TRMT61A: variants seen among roughly 807,000 people sequenced by gnomAD.
TRMT61A encodes tRNA methyltransferase 61A.
Under a neutral mutation model 21.3 loss-of-function variants are expected in TRMT61A, and 15 were observed. The observed-to-expected ratio is 0.70, with a 90% CI of 0.47 to 1.08. TRMT61A has a LOEUF of 1.08. Ranked by LOEUF, TRMT61A falls within the 50% of genes least tolerant of loss-of-function variation. The pLI is 0.00. For missense variants in TRMT61A, 352 were observed against 426.7 expected (o/e 0.83, Z 1.54); for synonymous variants, 183 against 185.5 (o/e 0.99, Z 0.11).
intron 2 of TRMT61A, 35 bp from the exon 3 acceptor site, chr14:103,532,547 A>T (rs766044372): frequency 6.2e-7 from 1 of 1,612,524 alleles, no homozygotes; most frequent in Non-Finnish European, 8.5e-7. Flanking sequence ...AGCAGTCCCA[A>T]CTGATGCCTT....
In TRMT61A at chr14:103,535,222, C is replaced by T. The variant is rs995739983; in HGVS notation, c.*401C>T. On this transcript the variant is annotated 3_prime_UTR_variant, in exon 4 of 4. Coordinates refer to ENST00000389749, the MANE Select transcript of TRMT61A (RefSeq NM_152307.3). ...ACCACGCTGCGTCTGACCCCTGGGC[C>T]CCCACGGCCCTGGCTGCCCCACGGG... The T allele has an allele frequency of 2.1e-6, 1 of 472,196 alleles. No individual in the cohort carries two copies. Among genetic ancestry groups the T allele is most frequent in the South Asian group, 1.6e-5 (1 of 63,806 alleles). 29.3% of individuals were successfully genotyped at this position (472,196 alleles called of 1,614,324 possible).
At position 103,535,254 on chromosome 14, in the gene TRMT61A, G is replaced by C; in HGVS notation, c.*433G>C. The stretch of plus-strand genomic sequence containing the variant: ...GCCCTGGCTGCCCCACGGGGCCTGA[G>C]ACCATCTCGTGCTTCTCCAGTCCCC... On this transcript the variant is annotated 3_prime_UTR_variant, in exon 4 of 4. Coordinates refer to ENST00000389749, the MANE Select transcript of TRMT61A (RefSeq NM_152307.3). 2.2e-6 allele frequency: 1 copy of C among 455,928 alleles called. No homozygotes were observed. The highest frequency in any genetic ancestry group is 4.4e-6 in the Non-Finnish European group (1 of 227,818). The allele number at this position is 455,928 out of a possible 1,614,324, so 28.2% of individuals were successfully genotyped here.
At position 103,535,211 on chromosome 14, in the gene TRMT61A, G is replaced by A. The variant is rs771567594; in HGVS notation, c.*390G>A. Reference sequence around the variant, plus strand: ...TTGACCCTGAGACCACGCTGCGTCTGACCCCTGGGCCCCCACGGCCCTGGC... The same window carrying A: ...TTGACCCTGAGACCACGCTGCGTCTAACCCCTGGGCCCCCACGGCCCTGGC... On this transcript the variant is annotated 3_prime_UTR_variant, in exon 4 of 4. Coordinates refer to ENST00000389749, the MANE Select transcript of TRMT61A (RefSeq NM_152307.3). 10 of 483,998 alleles carry A rather than the reference G, an allele frequency of 2.1e-5. No homozygotes were observed. Among genetic ancestry groups the A allele is most frequent in the South Asian group, 1.2e-4 (8 of 64,208 alleles). The allele number at this position is 483,998 out of a possible 1,614,324, so 30.0% of individuals were successfully genotyped here. A position where few individuals can be genotyped will look rare whatever the true frequency, so the allele number is the denominator to read the frequency against.
At chr14:103,530,389 A>T in intron 2 of TRMT61A, 80 bp downstream of exon 2, 2 of 1,277,076 alleles carry the variant, frequency 1.6e-6, no homozygotes, top group Non-Finnish European at 2.2e-6. Context: ...TGCCCTTCCT[A>T]CAGACACATG....
chr14:103,532,435 C>T (rs1249959851), intron 2 of TRMT61A, 147 bp from the exon 3 acceptor site: 21 of 980,400 alleles, frequency 2.1e-5, no homozygotes, highest in South Asian at 1.2e-4. Context: ...CAGGACCATA[C>T]AGCCCTGGAA....
chr14:103,529,503 G>A (rs2075946197), intron 1 of TRMT61A, among the ~76,000 whole-genome samples: 1 of 152,264 alleles, frequency 6.6e-6, no homozygotes, highest in Non-Finnish European at 1.5e-5. Flanking sequence ...CCGTGGGGGA[G>A]ACTGGGGTGA....
chr14:103,532,877 G>A (rs781698906), intron 3 of TRMT61A, 29 bp downstream of exon 3: 3 of 1,522,752 alleles, frequency 2.0e-6, no homozygotes, highest in Admixed American at 2.0e-5. Context: ...GAGAGGTACA[G>A]CCTGGGTGGG....
Position 103,536,798 on chromosome 14 carries a change from T to C in TRMT61A, c.*1977T>C, listed in dbSNP as rs1202390292. 6.6e-6 allele frequency: 1 copy of C among 152,238 alleles called. No individual in the cohort carries two copies. Among genetic ancestry groups the C allele is most frequent in the Non-Finnish European group, 1.5e-5 (1 of 68,064 alleles). The allele number at this position is 152,238 out of a possible 1,614,324, so 9.4% of individuals were successfully genotyped here. A position where few individuals can be genotyped will look rare whatever the true frequency, so the allele number is the denominator to read the frequency against. The stretch of plus-strand genomic sequence containing the variant: ...TGCCCATTTTCCAGCCGGGGCTGGT[T>C]GCCCTGGTGGCAGCCCTGGGTGAGT... On this transcript the variant is annotated 3_prime_UTR_variant, in exon 4 of 4. Coordinates refer to ENST00000389749, the MANE Select transcript of TRMT61A (RefSeq NM_152307.3).
At position 103,532,815 on chromosome 14, in the gene TRMT61A, G is replaced by A. The variant is rs376392701; in HGVS notation, c.565G>A (p.Val189Met). The A allele has an allele frequency of 1.4e-5, 22 of 1,564,332 alleles. No individual in the cohort carries two copies. The highest frequency in any genetic ancestry group is 1.9e-4 in the Middle Eastern group (1 of 5,276). ...FLDIPSPWEA[V>M]GHAWDALKVE... ...GGACATCCCATCACCCTGGGAGGCC[G>A]TGGGCCACGCCTGGGACGCCCTCAA... Residue 189 changes from valine (V) to methionine (M), a missense_variant, in exon 3 of 4, where the codon GTG becomes ATG. Coordinates refer to ENST00000389749, the MANE Select transcript of TRMT61A (RefSeq NM_152307.3).
At chr14:103,534,463 C>T in intron 3 of TRMT61A, 87 bp from the exon 4 acceptor site, 1 of 1,454,240 alleles carries the variant, frequency 6.9e-7, no homozygotes, top group Non-Finnish European at 9.1e-7. Flanking sequence ...GCCTCAGACC[C>T]TAGGGTGGGA....
Position 103,535,426 on chromosome 14 carries a change from G to C in TRMT61A, c.*605G>C. On this transcript the variant is annotated 3_prime_UTR_variant, in exon 4 of 4. Transcript: ENST00000389749. ...GCCTCCTGGCTGATGTCACAGCACT[G>C]AGCTCAGCCCAGGCCTTCGTCCACT... 2.3e-6 allele frequency: 1 copy of C among 444,258 alleles called. No individual in the cohort carries two copies. The highest frequency in any genetic ancestry group is 4.5e-6 in the Non-Finnish European group (1 of 221,818). The allele number at this position is 444,258 out of a possible 1,614,324, so 27.5% of individuals were successfully genotyped here.
In TRMT61A at chr14:103,535,123, G is replaced by A. The variant is rs753574907; in HGVS notation, c.*302G>A. 3.5e-5 allele frequency: 22 copies of A among 632,322 alleles called. No homozygotes were observed. The highest frequency in any genetic ancestry group is 2.9e-4 in the Admixed American group (14 of 47,606). The allele number at this position is 632,322 out of a possible 1,614,324, so 39.2% of individuals were successfully genotyped here. A position where few individuals can be genotyped will look rare whatever the true frequency, so the allele number is the denominator to read the frequency against. On this transcript the variant is annotated 3_prime_UTR_variant, in exon 4 of 4. Coordinates refer to ENST00000389749, the MANE Select transcript of TRMT61A (RefSeq NM_152307.3). ...GTGTTGAAGCCAAAGGGTGCAGGTG[G>A]GGGAGTCTGACCCCCTCCCAGGTGG...
Position 103,530,467 on chromosome 14 carries a change from A to G in TRMT61A, c.331+158A>G, listed in dbSNP as rs118069398. Among the ~76,000 whole-genome samples, 139 of 152,326 alleles carry G rather than the reference A, an allele frequency of 9.1e-4. 5 individuals are homozygous for G. The East Asian group carries it at 0.023, about 25-fold the overall frequency. ...CAGCAGGGAGTGAAGGTGGAGGCAG[A>G]GAAGCCCGTTAGGAGGCTGGTGCTG... On this transcript the variant is annotated intron_variant, in intron 2 of 3. Coordinates refer to ENST00000389749, the MANE Select transcript of TRMT61A (RefSeq NM_152307.3).
chr14:103,532,432 A>G, intron 2 of TRMT61A, 150 bp from the exon 3 acceptor site: 1 of 962,718 alleles, frequency 1.0e-6, no homozygotes. Flanking sequence ...AGCCAGGACC[A>G]TACAGCCCTG....
chr14:103,535,012 C>A lies in TRMT61A; in HGVS notation c.*191C>A. 1.3e-6 allele frequency: 1 copy of A among 764,052 alleles called. No individual in the cohort carries two copies. Among genetic ancestry groups the A allele is most frequent in the Non-Finnish European group, 2.3e-6 (1 of 442,038 alleles). The allele number at this position is 764,052 out of a possible 1,614,324, so 47.3% of individuals were successfully genotyped here. ...TGGAGGAGCAGTGCTGGGGCTGGGC[C>A]TCAGCCATTCCTGTCCAGCCCTGTG... On this transcript the variant is annotated 3_prime_UTR_variant, in exon 4 of 4. Transcript: ENST00000389749.
rs985831665 is a variant in TRMT61A, at chr14:103,536,595, A to G, written c.*1774A>G. On this transcript the variant is annotated 3_prime_UTR_variant, in exon 4 of 4. Coordinates refer to ENST00000389749, the MANE Select transcript of TRMT61A (RefSeq NM_152307.3). ...GGGGTCAGGCTGTCCCTGGGGTGTC[A>G]TGAACTGGGTGACGCACACCCCTGA... 5.3e-5 allele frequency: 8 copies of G among 152,228 alleles called. No individual in the cohort carries two copies. The highest frequency in any genetic ancestry group is 1.9e-4 in the East Asian group (1 of 5,194). The allele number at this position is 152,228 out of a possible 1,614,324, so 9.4% of individuals were successfully genotyped here. A position where few individuals can be genotyped will look rare whatever the true frequency, so the allele number is the denominator to read the frequency against.
At chr14:103,529,453 G>A (rs908387070) in intron 1 of TRMT61A, among the ~76,000 whole-genome samples, 192 bp downstream of exon 1, 26 of 152,364 alleles carry the variant, frequency 1.7e-4, no homozygotes, top group African/African-American at 6.0e-4. Flanking sequence ...CCCCTTACTG[G>A]GGAGCCCTGA....
Position 103,531,165 on chromosome 14 carries a change from G to T in TRMT61A, c.331+856G>T, listed in dbSNP as rs2075952814. ...CTCCTGGCCTCCTCAGATATGCCAG[G>T]TCCCCTCCTAGGAACCGTGAACTAG... is the stretch of plus-strand genomic sequence containing the variant. On this transcript the variant is annotated intron_variant, in intron 2 of 3. Coordinates refer to ENST00000389749, the MANE Select transcript of TRMT61A (RefSeq NM_152307.3). The surrounding 1 kb of genome is among the most constrained non-coding windows in gnomAD (Gnocchi z 5.1). 6.6e-6 allele frequency among the ~76,000 whole-genome samples: 1 copy of T among 152,132 alleles called. No individual in the cohort carries two copies. The highest frequency in any genetic ancestry group is 1.9e-4 in the East Asian group (1 of 5,190).
rs1397750698 is a variant in TRMT61A at position 103,535,635 on chromosome 14, C to T, written c.*814C>T. On this transcript the variant is annotated 3_prime_UTR_variant, in exon 4 of 4. Coordinates refer to ENST00000389749, the MANE Select transcript of TRMT61A (RefSeq NM_152307.3). Reference sequence around the variant, plus strand: ...GTGAGTCCCGGAACTATGTGGGTACCCCTACCCCTCACAGAAGCCAAGGGC... The same window carrying T: ...GTGAGTCCCGGAACTATGTGGGTACTCCTACCCCTCACAGAAGCCAAGGGC... 6.2e-6 allele frequency: 2 copies of T among 320,228 alleles called. No homozygotes were observed. The highest frequency in any genetic ancestry group is 4.4e-5 in the African/African-American group (2 of 45,806). The allele number at this position is 320,228 out of a possible 1,614,324, so 19.8% of individuals were successfully genotyped here.
Sources: allele counts gnomAD v4.1 joint callset (sites outside exome capture counted in the v4.1 genomes callset), GRCh38; gene constraint gnomAD v4.1.1; non-coding constraint Gnocchi (gnomAD v3.1); transcripts MANE v1.5; gene names NCBI Gene and HGNC (gene_info 2026-07-23, HGNC 2026-07-21).